Variants in TSC22D3 observed in about 807,000 individuals in gnomAD.
The protein encoded by TSC22D3 is TSC22 domain family protein 3.
TSC22D3 carries 4 observed loss-of-function variants against 11.1 expected under a neutral mutation model. The ratio of observed to expected loss-of-function variants is 0.36; its 90% CI spans 0.18 to 0.83. The LOEUF (loss-of-function observed/expected upper bound fraction) is 0.83, where lower values mean the gene tolerates loss of function less well. Among genes scored for constraint, TSC22D3 ranks in the 40% least tolerant of loss-of-function variants. TSC22D3 has a pLI of 0.48. For synonymous variants in TSC22D3, 77 were observed against 70.3 expected, an observed-to-expected ratio of 1.10 and a Z score of -0.48; for missense variants, 118 against 159.4, an observed-to-expected ratio of 0.74 and a Z score of 1.40.
chrX:107,723,198 C>T (rs766631583), intron 1 of TSC22D3, among the ~76,000 whole-genome samples: 12 of 111,267 alleles, frequency 1.1e-4, no homozygotes, highest in Non-Finnish European at 1.5e-4. Context: ...TGCAGCAGCA[C>T]GAAACTTAGG....
chrX:107,743,641 C>A (rs1928526494), intron 1 of TSC22D3, among the ~76,000 whole-genome samples: 1 of 112,432 alleles, frequency 8.9e-6, no homozygotes, highest in Admixed American at 9.4e-5. Flanking sequence ...TGTCAATAGA[C>A]ATGCCTGTTG....
At chrX:107,729,882 C>G (rs751359127) in intron 1 of TSC22D3, among the ~76,000 whole-genome samples, 11 of 113,057 alleles carry the variant, frequency 9.7e-5, no homozygotes, top group Non-Finnish European at 1.5e-4. Flanking sequence ...CGGAATGCCT[C>G]CCACTCATGA....
chrX:107,741,640 C>T (rs963639593), intron 1 of TSC22D3, among the ~76,000 whole-genome samples: 4 of 112,475 alleles, frequency 3.6e-5, no homozygotes, highest in Non-Finnish European at 7.5e-5. Flanking sequence ...CAGAAGCGCC[C>T]ACAACGCAGC....
chrX:107,728,178 A>G (rs915918290), intron 1 of TSC22D3, among the ~76,000 whole-genome samples: 5 of 111,819 alleles, frequency 4.5e-5, no homozygotes, highest in Non-Finnish European at 7.5e-5. Flanking sequence ...AAAAAAGGTT[A>G]TGTATGTGTT....
chrX:107,751,312 C>T (rs1473611110), intron 1 of TSC22D3, among the ~76,000 whole-genome samples: 22 of 111,441 alleles, frequency 2.0e-4, no homozygotes, highest in Non-Finnish European at 9.4e-5. Flanking sequence ...AATCACTTGG[C>T]GAGGGGTTAC....
At chrX:107,721,851 T>C (rs1390158242) in intron 1 of TSC22D3, 1 of 516,814 alleles carries the variant, frequency 1.9e-6, no homozygotes, top group Non-Finnish European at 3.5e-6. Flanking sequence ...CTAGTTCTAA[T>C]TACTTACTTG....
At chrX:107,742,443 G>A (rs1325784280) in intron 1 of TSC22D3, among the ~76,000 whole-genome samples, 1 of 110,780 alleles carries the variant, frequency 9.0e-6, no homozygotes, top group African/African-American at 3.3e-5. Flanking sequence ...CTGCTTGTTT[G>A]TTGTGGTTGA....
intron 1 of TSC22D3, among the ~76,000 whole-genome samples, chrX:107,742,334 C>A: frequency 1.6e-5 from 1 of 63,110 alleles, no homozygotes; most frequent in East Asian, 5.2e-4. Flanking sequence ...TGTGCGCGCG[C>A]GCGCGGTGTT....
In TSC22D3 at chrX:107,775,583, C is replaced by A; in HGVS notation, c.-164G>T. On this transcript the variant is annotated 5_prime_UTR_variant, in exon 1 of 3. Transcript: ENST00000372383. ...AAGCCAGCCACCTTCGGCTCGGCCC[C>A]CTTCTGGCTGTACTGCTCCGGGTGC... 1.4e-5 allele frequency: 6 copies of A among 430,663 alleles called. No homozygotes were observed. In the South Asian group the frequency reaches 2.3e-4, roughly 16 times the overall value. 35.5% of individuals were successfully genotyped at this position (430,663 alleles called of 1,213,427 possible).
In TSC22D3 at chrX:107,761,182, C is replaced by T. The variant is rs1035982998; in HGVS notation, c.320+13918G>A. On this transcript the variant is annotated intron_variant, in intron 1 of 2. Transcript: ENST00000372383. ...TTTGCCAAGGTGGTTGTCTATTAGACGCAAAGCGCCTGTGCTTCATGATCA... is the reference window on the plus strand; with the variant it reads ...TTTGCCAAGGTGGTTGTCTATTAGATGCAAAGCGCCTGTGCTTCATGATCA... 5.3e-5 allele frequency among the ~76,000 whole-genome samples: 6 copies of T among 112,599 alleles called. No individual in the cohort carries two copies. In the East Asian group the frequency reaches 8.4e-4, roughly 16 times the overall value.
intron 1 of TSC22D3, among the ~76,000 whole-genome samples, chrX:107,754,861 G>A (rs998238483): frequency 8.9e-6 from 1 of 112,037 alleles, no homozygotes; most frequent in Non-Finnish European, 1.9e-5. Context: ...AGACCTTGGC[G>A]ATAACCTTGA....
chrX:107,762,778 C>G (rs1367695614), intron 1 of TSC22D3, among the ~76,000 whole-genome samples: 1 of 104,290 alleles, frequency 9.6e-6, no homozygotes, highest in Non-Finnish European at 1.9e-5. Context: ...TGGGAAACAG[C>G]TAGTCACCAT....
intron 1 of TSC22D3, among the ~76,000 whole-genome samples, chrX:107,742,234 A>T (rs1182453476): frequency 9.8e-6 from 1 of 102,538 alleles, no homozygotes; most frequent in African/African-American, 3.7e-5. Flanking sequence ...GTTAAGTCTC[A>T]GCATATACTT....
chrX:107,716,204 G>A, intron 1 of TSC22D3: 3 of 791,346 alleles, frequency 3.8e-6, no homozygotes, highest in Admixed American at 4.2e-5. Context: ...CTGCTTGCGA[G>A]TCCTGGGGCG....
chrX:107,746,501 C>G (rs1928665258), intron 1 of TSC22D3, among the ~76,000 whole-genome samples: 1 of 111,348 alleles, frequency 9.0e-6, no homozygotes, highest in African/African-American at 3.3e-5. Flanking sequence ...TCCTGACTCT[C>G]CAGGAGTACT....
chrX:107,730,868 G>C (rs1927847208), intron 1 of TSC22D3, among the ~76,000 whole-genome samples: 1 of 111,602 alleles, frequency 9.0e-6, no homozygotes, highest in Admixed American at 9.5e-5. Flanking sequence ...GTGCCCTCCT[G>C]CTGCCTGGAG....
intron 1 of TSC22D3, among the ~76,000 whole-genome samples, chrX:107,773,599 T>A (rs779163301): frequency 3.6e-5 from 4 of 112,471 alleles, no homozygotes; most frequent in Non-Finnish European, 7.5e-5. Context: ...TTATTATTTT[T>A]AAAAATTCAG....
chrX:107,747,748 C>T (rs764352288), intron 1 of TSC22D3, among the ~76,000 whole-genome samples: 1 of 112,888 alleles, frequency 8.9e-6, no homozygotes, highest in East Asian at 2.8e-4. Context: ...ATCCAATTTT[C>T]TGAGTGCTTG....
chrX:107,732,874 G>C (rs1301330733), intron 1 of TSC22D3, among the ~76,000 whole-genome samples: 1 of 111,041 alleles, frequency 9.0e-6, no homozygotes, highest in African/African-American at 3.3e-5. Flanking sequence ...AAGGGGGGAG[G>C]ATCGCTTGAG....
Sources: gnomAD v4.1 joint callset for allele counts (sites outside exome capture counted in the v4.1 genomes callset) on GRCh38, gnomAD v4.1.1 for gene constraint, MANE v1.5 for transcripts, NCBI Gene and HGNC (gene_info 2026-07-23, HGNC 2026-07-21) for gene names.